PAK2: variants seen among roughly 807,000 people sequenced by gnomAD.
The protein encoded by PAK2 is p21 (RAC1) activated kinase 2.
A neutral mutation model predicts 65.9 loss-of-function variants in PAK2; 21 were observed. The observed-to-expected ratio is 0.32, with a 90% CI of 0.23 to 0.46. The LOEUF is 0.46. PAK2 is among the 20% of genes least tolerant of loss of function. The probability of loss-of-function intolerance (pLI) is 1.00; values close to 1 mark genes in which losing one functional copy is unlikely to be tolerated. For missense variants in PAK2, 324 were observed against 642.6 expected, an observed-to-expected ratio of 0.50 and a Z score of 5.36; for synonymous variants, 204 against 219.7, an observed-to-expected ratio of 0.93 and a Z score of 0.63.
intron 1 of PAK2, among the ~76,000 whole-genome samples, chr3:196,748,717 G>A (rs1022479343): frequency 6.6e-6 from 1 of 152,130 alleles, no homozygotes; most frequent in Admixed American, 6.6e-5. Context: ...TTCACCTATT[G>A]AAGGACCAGG....
intron 13 of PAK2, among the ~76,000 whole-genome samples, chr3:196,825,571 A>G (rs1393474977): frequency 6.6e-6 from 1 of 151,934 alleles, no homozygotes; most frequent in African/African-American, 2.4e-5. Flanking sequence ...TGAACTCAGG[A>G]GGTGAAGGTT....
At chr3:196,752,382 GA>G (rs928990266) in intron 1 of PAK2, among the ~76,000 whole-genome samples, 1 of 151,790 alleles carries the variant, frequency 6.6e-6, no homozygotes, top group African/African-American at 2.4e-5. Context: ...AATCTAAATT[GA>G]AAAAAAATTT....
intron 1 of PAK2, among the ~76,000 whole-genome samples, chr3:196,770,161 G>T (rs958019555): frequency 6.6e-6 from 1 of 152,004 alleles, no homozygotes; most frequent in South Asian, 2.1e-4. Flanking sequence ...GGAGGCTGAG[G>T]TGGGAGGATC....
intron 1 of PAK2, among the ~76,000 whole-genome samples, chr3:196,775,499 C>T (rs1714507938): frequency 6.6e-6 from 1 of 152,234 alleles, no homozygotes; most frequent in South Asian, 2.1e-4. Flanking sequence ...TCTCCTGCCT[C>T]AGCCTCCCGA....
At chr3:196,774,941 A>G (rs1304698353) in intron 1 of PAK2, among the ~76,000 whole-genome samples, 1 of 152,160 alleles carries the variant, frequency 6.6e-6, no homozygotes. Flanking sequence ...CACCAACCTA[A>G]TAGAATTTCT....
chr3:196,759,128 C>T lies in PAK2; in HGVS notation c.-22+18971C>T, dbSNP rs73205822. On this transcript the variant is annotated intron_variant, in intron 1 of 14. Transcript: ENST00000327134. ...AAGGTAGGAGGCATGGCTGTGAGGTCGTTGAAGTGATCTTTTCCTGAACAC... is the reference window on the plus strand; with the variant it reads ...AAGGTAGGAGGCATGGCTGTGAGGTTGTTGAAGTGATCTTTTCCTGAACAC... Among the ~76,000 whole-genome samples, 378 of 152,228 alleles carry T rather than the reference C, an allele frequency of 2.5e-3. 2 individuals carry two copies. The highest frequency in any genetic ancestry group is 4.3e-3 in the Non-Finnish European group (292 of 68,004).
intron 14 of PAK2, 47 bp from the exon 15 acceptor site, chr3:196,828,272 C>T (rs775341593): frequency 9.3e-6 from 10 of 1,076,892 alleles, no homozygotes; most frequent in Non-Finnish European, 1.4e-5. Context: ...TGTTTCTAAC[C>T]TGATGAATGG....
intron 1 of PAK2, among the ~76,000 whole-genome samples, chr3:196,761,376 T>C: frequency 2.5e-5 from 2 of 80,166 alleles, no homozygotes; most frequent in African/African-American, 1.0e-4. Flanking sequence ...GCATGCTGCC[T>C]TCAAGCATCT....
intron 13 of PAK2, among the ~76,000 whole-genome samples, chr3:196,826,633 C>T (rs1190342464): frequency 6.6e-6 from 1 of 151,584 alleles, no homozygotes; most frequent in Non-Finnish European, 1.5e-5. Context: ...TTTTTTAAAG[C>T]AATATGGGCT....
At chr3:196,824,718 C>T (rs570591801) in intron 13 of PAK2, among the ~76,000 whole-genome samples, 1 of 152,006 alleles carries the variant, frequency 6.6e-6, no homozygotes, top group East Asian at 1.9e-4. Flanking sequence ...CGGTGGTGCA[C>T]ACCTGTAGTC....
intron 1 of PAK2, among the ~76,000 whole-genome samples, chr3:196,774,926 T>C (rs1714487459): frequency 6.6e-6 from 1 of 152,204 alleles, no homozygotes; most frequent in African/African-American, 2.4e-5. Flanking sequence ...TAGAAACTAC[T>C]TTTGCACCAA....
chr3:196,796,512 A>T (rs1462017338), intron 2 of PAK2, among the ~76,000 whole-genome samples: 1 of 152,174 alleles, frequency 6.6e-6, no homozygotes, highest in Non-Finnish European at 1.5e-5. Flanking sequence ...TTAGATTGTG[A>T]TTATGATTGC....
At chr3:196,824,289 A>G (rs566702775) in intron 13 of PAK2, among the ~76,000 whole-genome samples, 5 of 152,152 alleles carry the variant, frequency 3.3e-5, no homozygotes, top group Non-Finnish European at 5.9e-5. Context: ...TGATGGGGGG[A>G]AAAAGCATAT....
intron 1 of PAK2, among the ~76,000 whole-genome samples, chr3:196,760,223 G>A (rs1208198095): frequency 2.0e-5 from 3 of 152,062 alleles, no homozygotes; most frequent in African/African-American, 7.2e-5. Flanking sequence ...AGCTGGGATG[G>A]TGCACACCTG....
At chr3:196,811,980 CT>C (rs1310006549) in intron 8 of PAK2, among the ~76,000 whole-genome samples, 1 of 152,010 alleles carries the variant, frequency 6.6e-6, no homozygotes, top group African/African-American at 2.4e-5. Flanking sequence ...TTTTTTCCTG[CT>C]CTTTTTTCCC....
chr3:196,749,562 T>G (rs1713501539), intron 1 of PAK2, among the ~76,000 whole-genome samples: 1 of 152,184 alleles, frequency 6.6e-6, no homozygotes, highest in Non-Finnish European at 1.5e-5. Context: ...TCTATTCAAG[T>G]GCTCATGTGT....
At chr3:196,786,253 C>G (rs964002765) in intron 2 of PAK2, among the ~76,000 whole-genome samples, 3 of 151,972 alleles carry the variant, frequency 2.0e-5, no homozygotes, top group African/African-American at 7.3e-5. Context: ...ACCTCCGCCC[C>G]CCGGGTTCAA....
chr3:196,822,018 C>G (rs187821061), intron 13 of PAK2, among the ~76,000 whole-genome samples: 72 of 152,198 alleles, frequency 4.7e-4, no homozygotes, highest in Non-Finnish European at 8.2e-4. Flanking sequence ...TGAAAGAAGC[C>G]GAACAACAGA....
chr3:196,826,316 C>T (rs1190926886), intron 13 of PAK2, among the ~76,000 whole-genome samples: 5 of 151,896 alleles, frequency 3.3e-5, no homozygotes, highest in Admixed American at 1.3e-4. Context: ...GGACTACAGG[C>T]GCCCACCACC....
Sources: gnomAD v4.1 joint callset for allele counts (sites outside exome capture counted in the v4.1 genomes callset) on GRCh38, gnomAD v4.1.1 for gene constraint, MANE v1.5 for transcripts, NCBI Gene and HGNC (gene_info 2026-07-23, HGNC 2026-07-21) for gene names.